RHOBTB1: variants seen among roughly 807,000 people sequenced by gnomAD.
RHOBTB1 encodes rho-related BTB domain-containing protein 1.
RHOBTB1 carries 40 observed loss-of-function variants against 71.6 expected under a neutral mutation model. The ratio of observed to expected loss-of-function variants is 0.56; its 90% CI spans 0.43 to 0.73. The LOEUF (loss-of-function observed/expected upper bound fraction) is 0.73, where lower values mean the gene tolerates loss of function less well. Among genes scored for constraint, RHOBTB1 ranks in the 30% least tolerant of loss-of-function variants. The pLI, the probability that RHOBTB1 is intolerant of heterozygous loss-of-function variation, is 0.00. For synonymous variants in RHOBTB1, 319 were observed against 334.9 expected, an observed-to-expected ratio of 0.95 and a Z score of 0.52; for missense variants, 797 against 894.0, an observed-to-expected ratio of 0.89 and a Z score of 1.38.
intron 2 of RHOBTB1, among the ~76,000 whole-genome samples, chr10:60,931,368 G>A (rs1000717531): frequency 3.9e-5 from 6 of 152,052 alleles, no homozygotes; most frequent in Non-Finnish European, 7.4e-5. Flanking sequence ...TGGCAACCAC[G>A]AATCTACTTT....
chr10:60,956,812 G>A (rs2085610450), intron 2 of RHOBTB1, among the ~76,000 whole-genome samples: 1 of 152,016 alleles, frequency 6.6e-6, no homozygotes, highest in Non-Finnish European at 1.5e-5. Context: ...TAGCAGAGAG[G>A]CAGCTGACTC....
chr10:60,921,354 C>T (rs746449733), intron 2 of RHOBTB1, among the ~76,000 whole-genome samples: 2 of 152,116 alleles, frequency 1.3e-5, no homozygotes, highest in Non-Finnish European at 2.9e-5. Context: ...TGAGGAAGCC[C>T]TAAGTTCTCC....
intron 2 of RHOBTB1, among the ~76,000 whole-genome samples, chr10:60,934,482 T>C (rs1020935969): frequency 2.6e-5 from 4 of 152,210 alleles, no homozygotes; most frequent in Non-Finnish European, 1.5e-5. Context: ...AAACATTCTC[T>C]AATCTTTCCA....
chr10:60,875,335 G>A (rs546820933), intron 8 of RHOBTB1, among the ~76,000 whole-genome samples: 8 of 152,246 alleles, frequency 5.3e-5, no homozygotes, highest in Non-Finnish European at 1.0e-4. Flanking sequence ...CTGGCCACAC[G>A]AGACTATTTA....
intron 4 of RHOBTB1, among the ~76,000 whole-genome samples, chr10:60,894,717 A>C (rs1426109088): frequency 6.6e-6 from 1 of 152,204 alleles, no homozygotes; most frequent in Non-Finnish European, 1.5e-5. Flanking sequence ...ATAGAATGAG[A>C]ATATCTGAGG....
chr10:60,902,126 C>T (rs2082442122), intron 4 of RHOBTB1, among the ~76,000 whole-genome samples: 1 of 152,166 alleles, frequency 6.6e-6, no homozygotes, highest in Admixed American at 6.5e-5. Context: ...GGGTAGAATA[C>T]AAGATGTACC....
At chr10:60,875,104 C>A (rs1449297747) in intron 8 of RHOBTB1, 62 bp from the exon 9 acceptor site, 2 of 1,273,890 alleles carry the variant, frequency 1.6e-6, no homozygotes, top group East Asian at 2.3e-5. Context: ...GGTAGCTTGC[C>A]TGGAGGGTTG....
chr10:60,986,940 A>G (rs2086687706), intron 1 of RHOBTB1, among the ~76,000 whole-genome samples: 1 of 152,120 alleles, frequency 6.6e-6, no homozygotes, highest in African/African-American at 2.4e-5. Context: ...AGTAAGGAGG[A>G]GTTTCTGAAG....
At chr10:60,926,514 C>G (rs186278912) in intron 2 of RHOBTB1, among the ~76,000 whole-genome samples, 15 of 152,166 alleles carry the variant, frequency 9.9e-5, no homozygotes, top group African/African-American at 3.6e-4. Context: ...CAACAACACA[C>G]TAAAAAGATT....
At chr10:60,866,630 C>T (rs1029602618), downstream of RHOBTB1, among the ~76,000 whole-genome samples, 3 of 151,958 alleles carry the variant, frequency 2.0e-5, no homozygotes, top group Non-Finnish European at 2.9e-5. Flanking sequence ...GAATTGCTCC[C>T]GAGTGAATCA....
chr10:60,973,637 A>G (rs961764955), intron 2 of RHOBTB1, among the ~76,000 whole-genome samples: 4 of 152,106 alleles, frequency 2.6e-5, no homozygotes, highest in East Asian at 1.9e-4. Context: ...ATGAAGCAAT[A>G]CTAGACTAGG....
At chr10:60,902,667 C>G (rs1427299701) in intron 4 of RHOBTB1, among the ~76,000 whole-genome samples, 1 of 152,176 alleles carries the variant, frequency 6.6e-6, no homozygotes, top group African/African-American at 2.4e-5. Flanking sequence ...GGCAGCTGAT[C>G]TTTCCGTTTG....
At chr10:60,885,477 C>T (rs1466652543) in intron 7 of RHOBTB1, among the ~76,000 whole-genome samples, 2 of 152,166 alleles carry the variant, frequency 1.3e-5, no homozygotes, top group African/African-American at 4.8e-5. Context: ...GGGGAGTAAA[C>T]ATTTGCTCCA....
At chr10:60,913,971 A>G (rs1460411519) in intron 2 of RHOBTB1, among the ~76,000 whole-genome samples, 1 of 152,214 alleles carries the variant, frequency 6.6e-6, no homozygotes, top group African/African-American at 2.4e-5. Context: ...TTCAAAAATT[A>G]TAATCATGAT....
intron 1 of RHOBTB1, among the ~76,000 whole-genome samples, chr10:60,995,678 G>A (rs74155436): frequency 0.025 from 3,811 of 152,258 alleles, 166 homozygotes; most frequent in African/African-American, 0.087. Flanking sequence ...ATAAAGGGTT[G>A]AATGTACTTA....
intron 2 of RHOBTB1, among the ~76,000 whole-genome samples, chr10:60,924,068 A>C (rs1034768571): frequency 6.6e-6 from 1 of 152,206 alleles, no homozygotes; most frequent in African/African-American, 2.4e-5. Context: ...CAAGGAGGAG[A>C]AGAAGGAGGA....
chr10:60,918,604 G>A (rs1383712368), intron 2 of RHOBTB1, among the ~76,000 whole-genome samples: 1 of 152,210 alleles, frequency 6.6e-6, no homozygotes, highest in Non-Finnish European at 1.5e-5. Flanking sequence ...ATTAAGATGA[G>A]TGGGTAGGAA....
At chr10:60,874,912 G>A (rs773382435) in intron 9 of RHOBTB1, 42 bp downstream of exon 9, 1 of 1,313,402 alleles carries the variant, frequency 7.6e-7, no homozygotes, top group Non-Finnish European at 1.1e-6. Flanking sequence ...TAAATGAACT[G>A]ATTGAACACA....
intron 2 of RHOBTB1, among the ~76,000 whole-genome samples, chr10:60,972,774 G>A (rs2086203600): frequency 6.6e-6 from 1 of 151,988 alleles, no homozygotes; most frequent in Admixed American, 6.6e-5. Context: ...CAGTAGTGGT[G>A]GATTAAATGG....
Sources: allele counts gnomAD v4.1 joint callset (sites outside exome capture counted in the v4.1 genomes callset), GRCh38; gene constraint gnomAD v4.1.1; transcripts MANE v1.5; gene names NCBI Gene and HGNC (gene_info 2026-07-23, HGNC 2026-07-21).